ATP9A: variants seen among roughly 807,000 people sequenced by gnomAD.
ATP9A encodes ATPase phospholipid transporting 9A.
In ATP9A, 52 loss-of-function variants were observed where a neutral mutation model predicts 144.1. The observed-to-expected ratio is 0.36, with a 90% confidence interval of 0.29 to 0.45. The LOEUF is 0.45. ATP9A is among the 20% of genes least tolerant of loss of function. The pLI, the probability that ATP9A is intolerant of heterozygous loss-of-function variation, is 1.00. For missense variants in ATP9A, 947 were observed against 1,392.7 expected, an observed-to-expected ratio of 0.68 and a Z score of 5.09; for synonymous variants, 582 against 557.4, an observed-to-expected ratio of 1.04 and a Z score of -0.62.
At chr20:51,728,520 T>A (rs1371454414) in intron 2 of ATP9A, among the ~76,000 whole-genome samples, 1 of 149,208 alleles carries the variant, frequency 6.7e-6, no homozygotes, top group Admixed American at 6.8e-5. Context: ...CCTAGCTACT[T>A]GGGAGGCTGA....
intron 1 of ATP9A, among the ~76,000 whole-genome samples, chr20:51,738,186 G>A (rs955970794): frequency 5.3e-5 from 8 of 151,874 alleles, no homozygotes; most frequent in Non-Finnish European, 7.4e-5. Context: ...CCAACACCAC[G>A]CCCGGCTAAT....
chr20:51,603,849 C>T (rs1004758090), intron 27 of ATP9A, among the ~76,000 whole-genome samples: 7 of 152,256 alleles, frequency 4.6e-5, no homozygotes, highest in South Asian at 2.1e-4. Flanking sequence ...GGCGTGATCT[C>T]AGCTCACTGC....
At chr20:51,665,268 G>A (rs191830858) in intron 13 of ATP9A, among the ~76,000 whole-genome samples, 6 of 152,156 alleles carry the variant, frequency 3.9e-5, no homozygotes, top group Admixed American at 2.0e-4. Context: ...GGAACTCAAG[G>A]GATGTGGGCT....
At chr20:51,721,661 C>T (rs1002806806) in intron 3 of ATP9A, among the ~76,000 whole-genome samples, 2 of 151,604 alleles carry the variant, frequency 1.3e-5, no homozygotes, top group Non-Finnish European at 2.9e-5. Flanking sequence ...ATTAGCCAGG[C>T]GTGGTGGCAG....
intron 7 of ATP9A, among the ~76,000 whole-genome samples, chr20:51,693,396 G>C (rs1363583812): frequency 6.6e-6 from 1 of 152,202 alleles, no homozygotes; most frequent in African/African-American, 2.4e-5. Flanking sequence ...GCAGAGGAGA[G>C]AGGGCCAGGC....
intron 9 of ATP9A, among the ~76,000 whole-genome samples, chr20:51,676,855 A>T (rs1002109225): frequency 6.8e-6 from 1 of 147,932 alleles, no homozygotes; most frequent in African/African-American, 2.5e-5. Context: ...ACTTCAACTG[A>T]TCCATCTGCC....
intron 9 of ATP9A, among the ~76,000 whole-genome samples, chr20:51,679,825 C>T (rs146403165): frequency 2.8e-3 from 421 of 152,250 alleles, no homozygotes; most frequent in South Asian, 8.9e-3. Flanking sequence ...ATGCTGAACC[C>T]GAGAATCAGC....
chr20:51,723,493 T>C (rs6096544), intron 3 of ATP9A, among the ~76,000 whole-genome samples: 37,384 of 151,336 alleles, frequency 0.25, 4,958 homozygotes, highest in Non-Finnish European at 0.28. Flanking sequence ...AGGATTCCTT[T>C]AGCATAGGAA....
chr20:51,687,222 C>T (rs2077527073), intron 9 of ATP9A, among the ~76,000 whole-genome samples: 1 of 152,062 alleles, frequency 6.6e-6, no homozygotes, highest in South Asian at 2.1e-4. Context: ...CAGGCATGAC[C>T]GTGCAGAATT....
chr20:51,689,799 G>A (rs2077539005), intron 8 of ATP9A, among the ~76,000 whole-genome samples: 1 of 151,316 alleles, frequency 6.6e-6, no homozygotes, highest in Admixed American at 6.6e-5. Flanking sequence ...GAAAATGGCA[G>A]ATAGGATTTG....
At chr20:51,762,037 C>T (rs1433719922) in intron 1 of ATP9A, among the ~76,000 whole-genome samples, 1 of 152,110 alleles carries the variant, frequency 6.6e-6, no homozygotes, top group African/African-American at 2.4e-5. Flanking sequence ...CACTCACTCT[C>T]CTGCCTGTCT....
At chr20:51,758,573 C>T (rs1236100875) in intron 1 of ATP9A, among the ~76,000 whole-genome samples, 1 of 152,218 alleles carries the variant, frequency 6.6e-6, no homozygotes, top group African/African-American at 2.4e-5. Context: ...GTGCCCCCAT[C>T]TCCTTGCGGA....
intron 19 of ATP9A, 102 bp downstream of exon 19, chr20:51,621,972 A>C (rs1421193331): frequency 7.9e-6 from 8 of 1,017,710 alleles, no homozygotes; most frequent in Non-Finnish European, 1.1e-5. Flanking sequence ...TAGGTAATTC[A>C]CATGCTGCCC....
chr20:51,627,613 T>C lies in ATP9A; in HGVS notation c.1832A>G (p.Tyr611Cys). The change falls in exon 17 of 28, where the codon TAT (tyrosine) becomes TGT (cysteine). Residue 611 changes from tyrosine to cysteine, a missense_variant. By Grantham distance (194) the Tyr-to-Cys change is radical. Coordinates refer to ENST00000338821, the MANE Select transcript of ATP9A (RefSeq NM_006045.3). ...AGAACAACTTACTTCAAAGTCCTGA[T>C]ACTGCTCCTCTGCAAGAGACTTCTT... Reference protein sequence around the residue: ...VAKKSLAEEQYQDFEARYVQA... With the variant: ...VAKKSLAEEQCQDFEARYVQA... 1 of 1,614,180 alleles carries C rather than the reference T, an allele frequency of 6.2e-7. No homozygotes were observed.
intron 1 of ATP9A, among the ~76,000 whole-genome samples, chr20:51,737,064 T>C (rs145503416): frequency 1.1e-3 from 175 of 152,326 alleles, no homozygotes; most frequent in African/African-American, 4.0e-3. Context: ...CTCAGTGACC[T>C]GCCCAAAATC....
intron 19 of ATP9A, 106 bp from the exon 20 acceptor site, chr20:51,619,149 A>G: frequency 1.1e-6 from 1 of 918,300 alleles, no homozygotes; most frequent in Non-Finnish European, 1.7e-6. Context: ...CACCCCAGCC[A>G]AGGGTCCCTC....
At chr20:51,663,942 TCA>T (rs1202917540) in intron 13 of ATP9A, among the ~76,000 whole-genome samples, 1 of 151,754 alleles carries the variant, frequency 6.6e-6, no homozygotes, top group Non-Finnish European at 1.5e-5. Flanking sequence ...GAAAAATAAA[TCA>T]CAAACTCACA....
chr20:51,638,609 T>C (rs1287012267), intron 15 of ATP9A, among the ~76,000 whole-genome samples: 1 of 152,072 alleles, frequency 6.6e-6, no homozygotes, highest in African/African-American at 2.4e-5. Flanking sequence ...ACACCCGTAA[T>C]TCCAGCACTT....
chr20:51,706,731 CAG>C (rs2077616152), intron 4 of ATP9A, among the ~76,000 whole-genome samples: 1 of 152,146 alleles, frequency 6.6e-6, no homozygotes, highest in African/African-American at 2.4e-5. Flanking sequence ...GCCTGGGTGA[CAG>C]AGTGAAATCC....
Sources: allele counts gnomAD v4.1 joint callset (sites outside exome capture counted in the v4.1 genomes callset), GRCh38; gene constraint gnomAD v4.1.1; transcripts MANE v1.5; gene names NCBI Gene and HGNC (gene_info 2026-07-23, HGNC 2026-07-21).